Variants in NDUFAF6 observed in about 807,000 individuals in gnomAD.
NDUFAF6 encodes NADH dehydrogenase (ubiquinone) complex I, assembly factor 6.
Under a neutral mutation model 40.8 loss-of-function variants are expected in NDUFAF6, and 45 were observed. The ratio of observed to expected loss-of-function variants is 1.10; its 90% CI spans 0.87 to 1.42. The LOEUF is 1.42. Ranked by LOEUF, NDUFAF6 falls within the 40% of genes most tolerant of loss-of-function variation. The pLI, the probability that NDUFAF6 is intolerant of heterozygous loss-of-function variation, is 0.00. For missense variants in NDUFAF6, 435 were observed against 418.5 expected (o/e 1.04, Z -0.34); for synonymous variants, 185 against 155.9 (o/e 1.19, Z -1.39).
chr8:95,004,557 C>T (rs1292641346), intron 2 of NDUFAF6, among the ~76,000 whole-genome samples: 1 of 151,916 alleles, frequency 6.6e-6, no homozygotes, highest in African/African-American at 2.4e-5. Context: ...TCTGTGTTGC[C>T]CAGGCTGGTC....
At chr8:94,967,573 T>C (rs1824107732) in intron 1 of NDUFAF6, among the ~76,000 whole-genome samples, 1 of 152,082 alleles carries the variant, frequency 6.6e-6, no homozygotes, top group South Asian at 2.1e-4. Flanking sequence ...ACAGTTTCTG[T>C]GAGTCAGGAA....
At chr8:94,897,572 C>T (rs975082380) in intron 1 of NDUFAF6, among the ~76,000 whole-genome samples, 1 of 152,042 alleles carries the variant, frequency 6.6e-6, no homozygotes, top group African/African-American at 2.4e-5. Context: ...TGGCCTCTAC[C>T]ATGCTTCTCT....
At chr8:94,896,395 T>G (rs976087028) in intron 1 of NDUFAF6, 2 of 151,584 alleles carry the variant, frequency 1.3e-5, no homozygotes, top group East Asian at 3.9e-4. Flanking sequence ...CTTCCCCGGG[T>G]GTTTAAACTT....
chr8:95,011,368 T>C (rs920628602), intron 2 of NDUFAF6, among the ~76,000 whole-genome samples: 3 of 152,226 alleles, frequency 2.0e-5, no homozygotes, highest in African/African-American at 7.2e-5. Context: ...TAATTCTTCT[T>C]TCCTAGTGGA....
At chr8:95,023,751 T>G (rs1221306578), upstream of NDUFAF6, among the ~76,000 whole-genome samples, 3 of 152,120 alleles carry the variant, frequency 2.0e-5, no homozygotes, top group East Asian at 1.9e-4. Flanking sequence ...ATCCCAGCAC[T>G]ATGGGAGACT....
At chr8:94,959,170 T>G (rs370004354) in intron 1 of NDUFAF6, among the ~76,000 whole-genome samples, 1 of 151,980 alleles carries the variant, frequency 6.6e-6, no homozygotes, top group Non-Finnish European at 1.5e-5. Context: ...AACCTGTGAG[T>G]GATGGGGCTG....
At chr8:94,933,253 TTA>T (rs1158261333) in intron 1 of NDUFAF6, among the ~76,000 whole-genome samples, 2 of 152,156 alleles carry the variant, frequency 1.3e-5, no homozygotes, top group African/African-American at 4.8e-5. Context: ...CTTTGACCCT[TTA>T]TATATGGAAA....
intron 1 of NDUFAF6, among the ~76,000 whole-genome samples, chr8:94,945,193 C>T (rs1424087019): frequency 6.6e-6 from 1 of 152,100 alleles, no homozygotes; most frequent in Non-Finnish European, 1.5e-5. Context: ...TACTTTTTCA[C>T]CTATAAATTT....
At chr8:94,976,193 T>TC (rs1824911405) in intron 1 of NDUFAF6, among the ~76,000 whole-genome samples, 1 of 28,820 alleles carries the variant, frequency 3.5e-5, no homozygotes. Context: ...AGACTGTGTC[T>TC]CAAAAAAAAA....
At chr8:95,109,359 A>G (rs2132085079) in intron 4 of NDUFAF6, among the ~76,000 whole-genome samples, 1 of 152,356 alleles carries the variant, frequency 6.6e-6, no homozygotes, top group African/African-American at 2.4e-5. Flanking sequence ...CCAACAGAAT[A>G]ATATCCAGAG....
At chr8:95,013,383 G>A (rs1268947017) in intron 2 of NDUFAF6, among the ~76,000 whole-genome samples, 2 of 152,180 alleles carry the variant, frequency 1.3e-5, no homozygotes, top group Non-Finnish European at 2.9e-5. Flanking sequence ...TGGGATTGCA[G>A]GTGTGAGCTA....
At chr8:95,032,706 A>G (rs925943342) in intron 2 of NDUFAF6, among the ~76,000 whole-genome samples, 1 of 152,226 alleles carries the variant, frequency 6.6e-6, no homozygotes, top group Non-Finnish European at 1.5e-5. Flanking sequence ...GAGAGGTCAG[A>G]TATTGGGAGT....
intron 2 of NDUFAF6, among the ~76,000 whole-genome samples, chr8:95,083,121 T>TTTTTACATTTAAC (rs1808931685): frequency 6.6e-6 from 1 of 152,194 alleles, no homozygotes; most frequent in East Asian, 1.9e-4. Context: ...TCTGTCTTTG[T>TTTTTACATTTAAC]TTTTACATTT....
intron 1 of NDUFAF6, among the ~76,000 whole-genome samples, chr8:94,974,408 C>T (rs1003383470): frequency 9.2e-5 from 14 of 152,234 alleles, no homozygotes; most frequent in Admixed American, 3.3e-4. Flanking sequence ...CCCAGCAAGA[C>T]TGGGCCCAGG....
At chr8:95,062,296 A>T (rs900767946), downstream of NDUFAF6, among the ~76,000 whole-genome samples, 1 of 152,194 alleles carries the variant, frequency 6.6e-6, no homozygotes, top group Non-Finnish European at 1.5e-5. Flanking sequence ...AGGCAAAATC[A>T]TATCAACCTC....
chr8:95,062,343 T>TAA (rs1832592696), downstream of NDUFAF6, among the ~76,000 whole-genome samples: 1 of 152,156 alleles, frequency 6.6e-6, no homozygotes, highest in Non-Finnish European at 1.5e-5. Flanking sequence ...TTTCTCCATG[T>TAA]AAAGTGCTTA....
chr8:94,916,684 C>T (rs1464545188), intron 1 of NDUFAF6, among the ~76,000 whole-genome samples: 8 of 151,792 alleles, frequency 5.3e-5, no homozygotes, highest in Admixed American at 4.6e-4. Context: ...TGTGGTGGCA[C>T]GTGCCTAAAT....
chr8:95,007,865 C>T (rs1185520302), intron 2 of NDUFAF6, among the ~76,000 whole-genome samples: 1 of 151,984 alleles, frequency 6.6e-6, no homozygotes, highest in Non-Finnish European at 1.5e-5. Context: ...GCTGGCACTA[C>T]AGGCACACGC....
At position 95,114,861 on chromosome 8, in the gene NDUFAF6, A is replaced by G. The variant is rs192268071; in HGVS notation, n.345-675A>G. On this transcript the variant is annotated intron_variant and non_coding_transcript_variant, in intron 4 of 5. Coordinates refer to the NDUFAF6 transcript ENST00000523184. Reference sequence around the variant, plus strand: ...GATCTGAAATGAAAAATAAGCTAATATAAATGTTCTCCTGAGATTTGCAGA... The same window carrying G: ...GATCTGAAATGAAAAATAAGCTAATGTAAATGTTCTCCTGAGATTTGCAGA... Among the ~76,000 whole-genome samples, 36 of 152,352 alleles carry G rather than the reference A, an allele frequency of 2.4e-4. 1 individual carries two copies. The East Asian group carries it at 3.9e-3, about 16-fold the overall frequency.
Sources: allele counts gnomAD v4.1 joint callset (sites outside exome capture counted in the v4.1 genomes callset), GRCh38; gene constraint gnomAD v4.1.1; transcripts MANE v1.5; gene names NCBI Gene and HGNC (gene_info 2026-07-23, HGNC 2026-07-21).